DLGAP1: variants seen among roughly 807,000 people sequenced by gnomAD.
DLGAP1 encodes the protein DLG associated protein 1.
Under a neutral mutation model 90.8 loss-of-function variants are expected in DLGAP1, and 11 were observed. The observed-to-expected ratio is 0.12, with a 90% confidence interval of 0.08 to 0.20. The LOEUF is 0.20. Ranked by LOEUF, DLGAP1 falls within the 10% of genes least tolerant of loss-of-function variation. The probability of loss-of-function intolerance (pLI) is 1.00; values close to 1 mark genes in which losing one functional copy is unlikely to be tolerated. For synonymous variants in DLGAP1, 558 were observed against 540.7 expected, an observed-to-expected ratio of 1.03 and a Z score of -0.44; for missense variants, 1,050 against 1,333.8, an observed-to-expected ratio of 0.79 and a Z score of 3.31.
chr18:4,041,971 A>G (rs1598291039), intron 2 of DLGAP1, among the ~76,000 whole-genome samples: 2 of 152,222 alleles, frequency 1.3e-5, no homozygotes, highest in East Asian at 1.9e-4. Context: ...GGAATAAACA[A>G]TAACTTGAGC....
intron 1 of DLGAP1, among the ~76,000 whole-genome samples, chr18:4,354,815 C>T (rs185647368): frequency 2.6e-4 from 32 of 122,922 alleles, no homozygotes; most frequent in African/African-American, 9.1e-4. Context: ...GGATTTTTAA[C>T]AATATTCAAG....
intron 7 of DLGAP1, chr18:3,656,034 A>G: frequency 3.3e-6 from 5 of 1,513,154 alleles, no homozygotes; most frequent in Non-Finnish European, 4.4e-6. Context: ...AAGCCACGCT[A>G]TGCAACCTTT....
At chr18:3,654,574 A>C (rs1487121257) in intron 7 of DLGAP1, 1 of 152,194 alleles carries the variant, frequency 6.6e-6, no homozygotes, top group East Asian at 1.9e-4. Context: ...AGAGTGAACC[A>C]ACTGTTATCT....
At position 3,556,444 on chromosome 18, in the gene DLGAP1, C is replaced by G. The variant is rs369412891; in HGVS notation, c.2057+11046G>C. 2.0e-5 allele frequency among the ~76,000 whole-genome samples: 3 copies of G among 152,348 alleles called. No homozygotes were observed. The East Asian group carries it at 5.8e-4, about 29-fold the overall frequency. Reference sequence around the variant, plus strand: ...ATACCTCCTTCCTCCTAACCCCTGGCAACTAGTCATCTTTTTACTGTCTCG... The same window carrying G: ...ATACCTCCTTCCTCCTAACCCCTGGGAACTAGTCATCTTTTTACTGTCTCG... On this transcript the variant is annotated intron_variant, in intron 9 of 12. Transcript: ENST00000315677.
chr18:3,953,222 T>C (rs2073022743), intron 3 of DLGAP1, among the ~76,000 whole-genome samples: 1 of 152,150 alleles, frequency 6.6e-6, no homozygotes, highest in East Asian at 1.9e-4. Context: ...TAAGCATAGG[T>C]TTCTTACATG....
chr18:3,778,410 C>T (rs1213944882), intron 5 of DLGAP1, among the ~76,000 whole-genome samples: 1 of 151,762 alleles, frequency 6.6e-6, no homozygotes, highest in African/African-American at 2.4e-5. Flanking sequence ...CATTGCACTC[C>T]AGCCTGGGCG....
intron 7 of DLGAP1, among the ~76,000 whole-genome samples, chr18:3,583,184 ACCTTCCTT>A (rs1194711711): frequency 7.7e-4 from 99 of 127,834 alleles, no homozygotes; most frequent in African/African-American, 2.4e-3. Context: ...CTACCTACCT[ACCTTCCTT>A]CCTTCCTTCC....
intron 3 of DLGAP1, among the ~76,000 whole-genome samples, chr18:3,946,123 A>T (rs77413901): frequency 6.1e-4 from 90 of 146,440 alleles, no homozygotes; most frequent in African/African-American, 2.2e-3. Context: ...TTATTCCCTT[A>T]TTTTTTTTTT....
At chr18:3,819,184 C>T (rs977645616) in intron 4 of DLGAP1, among the ~76,000 whole-genome samples, 3 of 151,944 alleles carry the variant, frequency 2.0e-5, no homozygotes, top group African/African-American at 7.2e-5. Flanking sequence ...ATGGTGGGTG[C>T]CTGTAATCCC....
chr18:3,870,765 G>A (rs978289800), intron 4 of DLGAP1, among the ~76,000 whole-genome samples: 3 of 152,128 alleles, frequency 2.0e-5, no homozygotes, highest in Non-Finnish European at 4.4e-5. Context: ...AAGGATGCAT[G>A]CTGTCTTCAA....
intron 1 of DLGAP1, among the ~76,000 whole-genome samples, chr18:4,405,703 G>C (rs1167233055): frequency 2.6e-5 from 4 of 152,062 alleles, no homozygotes; most frequent in Non-Finnish European, 5.9e-5. Flanking sequence ...GACTTATCTT[G>C]TGCGCTTAGA....
At chr18:4,305,311 G>A (rs891730028) in intron 1 of DLGAP1, among the ~76,000 whole-genome samples, 4 of 152,050 alleles carry the variant, frequency 2.6e-5, no homozygotes, top group Non-Finnish European at 5.9e-5. Context: ...GAGGCGGGTG[G>A]ATCACCTGAG....
chr18:3,835,426 G>C (rs2068311154), intron 4 of DLGAP1, among the ~76,000 whole-genome samples: 1 of 152,058 alleles, frequency 6.6e-6, no homozygotes, highest in Non-Finnish European at 1.5e-5. Context: ...TGAGGGGGCA[G>C]ATCATGAAGT....
intron 1 of DLGAP1, among the ~76,000 whole-genome samples, chr18:4,414,127 C>T (rs1432340055): frequency 6.6e-6 from 1 of 151,952 alleles, no homozygotes; most frequent in African/African-American, 2.4e-5. Flanking sequence ...AAAGTGATTA[C>T]TAAATAAGAT....
intron 7 of DLGAP1, among the ~76,000 whole-genome samples, chr18:3,720,888 CAA>C (rs1186426563): frequency 0.014 from 713 of 50,296 alleles, 16 homozygotes; most frequent in African/African-American, 0.054. Context: ...CTTGTCTCTA[CAA>C]AAAAAAAAAA....
chr18:4,154,226 A>ATT lies in DLGAP1; in HGVS notation c.-266-2941_-266-2940dup, dbSNP rs555943126. Among the ~76,000 whole-genome samples, 116 of 130,442 alleles carry ATT rather than the reference A, an allele frequency of 8.9e-4. 1 individual carries two copies. Among genetic ancestry groups the ATT allele is most frequent in the African/African-American group, 3.2e-3 (113 of 35,762 alleles). 85.6% of individuals were successfully genotyped at this position (130,442 alleles called of 152,430 possible). ...TAGATGTGCACCACCACACCCGGCT[A>ATT]TTTTTTTTTTTTTTTTTAATTTCTC... On this transcript the variant is annotated intron_variant, in intron 1 of 12. Coordinates refer to ENST00000315677, the MANE Select transcript of DLGAP1 (RefSeq NM_004746.4).
intron 3 of DLGAP1, among the ~76,000 whole-genome samples, chr18:3,987,465 A>T (rs1211393369): frequency 6.6e-6 from 1 of 152,234 alleles, no homozygotes; most frequent in Non-Finnish European, 1.5e-5. Flanking sequence ...AAAGAATGGC[A>T]TCTGTCTACC....
chr18:3,693,938 T>A (rs2060990162), intron 7 of DLGAP1, among the ~76,000 whole-genome samples: 1 of 152,128 alleles, frequency 6.6e-6, no homozygotes, highest in Non-Finnish European at 1.5e-5. Context: ...CGTGCAGGTT[T>A]GTTACATAGG....
At chr18:4,225,874 T>C (rs2078176730) in intron 1 of DLGAP1, among the ~76,000 whole-genome samples, 1 of 151,768 alleles carries the variant, frequency 6.6e-6, no homozygotes, top group South Asian at 2.1e-4. Flanking sequence ...GAGATAGAGG[T>C]AGAAGGTTCA....
Sources: allele counts gnomAD v4.1 joint callset (sites outside exome capture counted in the v4.1 genomes callset), GRCh38; gene constraint gnomAD v4.1.1; transcripts MANE v1.5; gene names NCBI Gene and HGNC (gene_info 2026-07-23, HGNC 2026-07-21).